EEF1G: variants seen among roughly 807,000 people sequenced by gnomAD.
The protein encoded by EEF1G is eukaryotic translation elongation factor 1 gamma, also known as elongation factor 1-gamma.
EEF1G carries 14 observed loss-of-function variants against 58.3 expected under a neutral mutation model. The observed-to-expected ratio is 0.24, with a 90% CI of 0.16 to 0.38. The LOEUF (loss-of-function observed/expected upper bound fraction) is 0.38. Ranked by LOEUF, EEF1G falls within the 10% of genes least tolerant of loss-of-function variation. EEF1G has a pLI of 1.00. For synonymous variants in EEF1G, 180 were observed against 206.8 expected (o/e 0.87, Z 1.11); for missense variants, 322 against 550.1 (o/e 0.59, Z 4.15).
chr11:62,559,635 C>T lies in EEF1G; in HGVS notation c.*44G>A. Reference sequence around the variant, plus strand: ...CAGTTTCCTTTAATGACCCCCATCTCCCTGAAGGGCAGGTGCAGGCAGCTA... The same window carrying T: ...CAGTTTCCTTTAATGACCCCCATCTTCCTGAAGGGCAGGTGCAGGCAGCTA... On this transcript the variant is annotated 3_prime_UTR_variant, in exon 10 of 10. Transcript: ENST00000329251. The T allele has an allele frequency of 1.2e-6, 2 of 1,608,686 alleles. No homozygotes were observed. Among genetic ancestry groups the T allele is most frequent in the East Asian group, 2.2e-5 (1 of 44,782 alleles).
chr11:62,573,565 C>T (rs1941664183), intron 1 of EEF1G: 3 of 583,054 alleles, frequency 5.1e-6, no homozygotes, highest in South Asian at 4.2e-5. Context: ...GGCAACAGAG[C>T]CGAACCCCTT....
chr11:62,564,501 A>G (rs1941532837), intron 7 of EEF1G, among the ~76,000 whole-genome samples: 1 of 149,920 alleles, frequency 6.7e-6, no homozygotes, highest in African/African-American at 2.5e-5. Context: ...AGTGGCTCAT[A>G]TCTGTAATCC....
chr11:62,561,386 A>T (rs1247474900), intron 7 of EEF1G, among the ~76,000 whole-genome samples: 1 of 151,368 alleles, frequency 6.6e-6, no homozygotes, highest in African/African-American at 2.4e-5. Flanking sequence ...TCTGGGGGGA[A>T]AAAAAAGGAC....
At chr11:62,572,007 C>G (rs1187795755) in intron 2 of EEF1G, 106 bp from the exon 3 acceptor site, 1 of 961,202 alleles carries the variant, frequency 1.0e-6, no homozygotes, top group Non-Finnish European at 1.6e-6. Context: ...GCTGATGATT[C>G]TCACTATCCA....
chr11:62,572,509 G>T (rs1941646649), intron 2 of EEF1G, 75 bp downstream of exon 2: 1 of 1,564,128 alleles, frequency 6.4e-7, no homozygotes, highest in Admixed American at 1.8e-5. Context: ...AGAGATGGGG[G>T]CCACCACCAG....
chr11:62,573,454 G>A, intron 1 of EEF1G: 1 of 312,556 alleles, frequency 3.2e-6, no homozygotes, highest in East Asian at 6.7e-5. Flanking sequence ...GTGCCAGCCG[G>A]ACCTGCCTAC....
Position 62,560,212 on chromosome 11 carries a change from A to C in EEF1G, c.1031-19T>G. 6.2e-7 allele frequency: 1 copy of C among 1,614,040 alleles called. No individual in the cohort carries two copies. Among genetic ancestry groups the C allele is most frequent in the Non-Finnish European group, 8.5e-7 (1 of 1,179,892 alleles). ...AACATTCCTGAAGCGGCAAGGGAGA[A>C]CATTCAGCCTTTGGAATCACAGCAC... is the stretch of plus-strand genomic sequence containing the variant. On this transcript the variant is annotated intron_variant, in intron 8 of 9. Coordinates refer to ENST00000329251, the MANE Select transcript of EEF1G (RefSeq NM_001404.5).
intron 7 of EEF1G, among the ~76,000 whole-genome samples, chr11:62,561,988 G>A (rs565035891): frequency 7.9e-5 from 12 of 152,280 alleles, no homozygotes; most frequent in African/African-American, 2.9e-4. Context: ...ATAAGGTACT[G>A]GCACAAACAA....
At chr11:62,567,179 C>T (rs1443210978) in intron 6 of EEF1G, 169 bp from the exon 7 acceptor site, 3 of 910,652 alleles carry the variant, frequency 3.3e-6, no homozygotes, top group African/African-American at 3.4e-5. Context: ...AGCAACAACA[C>T]ACTCAGCAAC....
intron 7 of EEF1G, among the ~76,000 whole-genome samples, chr11:62,564,249 G>A (rs531111739): frequency 1.7e-3 from 252 of 152,240 alleles, no homozygotes; most frequent in Admixed American, 3.6e-3. Flanking sequence ...GATTGCCTGA[G>A]GTCAGGAGTT....
At chr11:62,561,688 A>AAAAAAACAAAAC (rs1941498156) in intron 7 of EEF1G, among the ~76,000 whole-genome samples, 6 of 140,432 alleles carry the variant, frequency 4.3e-5, no homozygotes, top group Non-Finnish European at 9.5e-5. Flanking sequence ...AAAACAAAAA[A>AAAAAAACAAAAC]AAAAAAAACA....
intron 7 of EEF1G, among the ~76,000 whole-genome samples, chr11:62,564,545 G>C (rs375469663): frequency 6.6e-6 from 1 of 151,382 alleles, no homozygotes; most frequent in African/African-American, 2.4e-5. Flanking sequence ...GGCGGATCAC[G>C]AGGTCAGGAG....
Position 62,567,441 on chromosome 11 carries a change from A to G in EEF1G, c.610T>C (p.Leu204=), listed in dbSNP as rs751212230. 2.5e-6 allele frequency: 4 copies of G among 1,612,762 alleles called. No homozygotes were observed. The highest frequency in any genetic ancestry group is 3.4e-6 in the Non-Finnish European group (4 of 1,179,322). The change falls in exon 6 of 10, where the codon TTG becomes CTG. Residue 204 remains leucine, a synonymous_variant. Transcript: ENST00000329251. The stretch of plus-strand genomic sequence containing the variant: ...TTCTCACACAGTTTCACTTCGCCCA[A>G]GACAGCCCGGAACTGGGGCTGGTTA... The part of the protein sequence containing the change: ...CINQPQFRAV[L]GEVKLCEKMA...
At chr11:62,570,301 AT>A (rs1212440566) in intron 5 of EEF1G, among the ~76,000 whole-genome samples, 1 of 152,062 alleles carries the variant, frequency 6.6e-6, no homozygotes, top group African/African-American at 2.4e-5. Flanking sequence ...ACCTCAAGTG[AT>A]CCACCCGCCT....
chr11:62,572,833 A>G lies in EEF1G; in HGVS notation c.13-91T>C, dbSNP rs1315655655. 4.8e-6 allele frequency: 6 copies of G among 1,262,502 alleles called. No homozygotes were observed. The African/African-American group carries it at 6.0e-5, about 13-fold the overall frequency. 78.2% of individuals were successfully genotyped at this position (1,262,502 alleles called of 1,614,324 possible). ...AGGATGACTTTCCTGAATAATCCCAATGTATTCAACTCACCCTTTTACTTC... is the reference window on the plus strand; with the variant it reads ...AGGATGACTTTCCTGAATAATCCCAGTGTATTCAACTCACCCTTTTACTTC... On this transcript the variant is annotated intron_variant, in intron 1 of 9. Coordinates refer to ENST00000329251, the MANE Select transcript of EEF1G (RefSeq NM_001404.5).
intron 9 of EEF1G, 93 bp downstream of exon 9, chr11:62,559,976 C>T (rs1034382454): frequency 7.5e-6 from 12 of 1,606,108 alleles, no homozygotes; most frequent in South Asian, 1.1e-5. Context: ...ATTCCTGAAC[C>T]CTCCTAAACA....
intron 7 of EEF1G, among the ~76,000 whole-genome samples, chr11:62,562,568 A>G (rs1206971400): frequency 6.6e-6 from 1 of 151,566 alleles, no homozygotes; most frequent in African/African-American, 2.4e-5. Context: ...TGCAACCTCT[A>G]CCTACCGGGT....
chr11:62,572,879 T>A, intron 1 of EEF1G, 137 bp from the exon 2 acceptor site: 6 of 742,688 alleles, frequency 8.1e-6, no homozygotes, highest in Non-Finnish European at 1.3e-5. Context: ...CCAAGTCCTT[T>A]AGTACTTGTC....
In EEF1G at chr11:62,571,606, G is replaced by A. The variant is rs149738872; in HGVS notation, c.312C>T (p.Ser104=). 8.8e-6 allele frequency: 14 copies of A among 1,589,516 alleles called. No individual in the cohort carries two copies. The highest frequency in any genetic ancestry group is 2.3e-5 in the South Asian group (2 of 87,000). The change falls in exon 4 of 10, where the codon TCC becomes TCT. Residue 104 remains serine (S), a synonymous_variant. Coordinates refer to ENST00000329251, the MANE Select transcript of EEF1G (RefSeq NM_001404.5). ...QVVQWVSFAD[S]DIVPPASTWV... ...AGGTACTGGCTGGGGGCACTATATC[G>A]GAATCAGCAAAGCTCACCCACTGCA...
Sources: allele counts gnomAD v4.1 joint callset (sites outside exome capture counted in the v4.1 genomes callset), GRCh38; gene constraint gnomAD v4.1.1; transcripts MANE v1.5; gene names NCBI Gene and HGNC (gene_info 2026-07-23, HGNC 2026-07-21).